IL10RB: variants seen among roughly 807,000 people sequenced by gnomAD.
IL10RB encodes the protein interleukin-10 receptor subunit beta.
In IL10RB, 30 loss-of-function variants were observed where a neutral mutation model predicts 38.7. The ratio of observed to expected loss-of-function variants is 0.78; its 90% CI spans 0.58 to 1.05. The LOEUF (loss-of-function observed/expected upper bound fraction) is 1.05, where lower values mean the gene tolerates loss of function less well. Among genes scored for constraint, IL10RB ranks in the 50% least tolerant of loss-of-function variants. The pLI is 0.00. For missense variants in IL10RB, 328 were observed against 397.1 expected (o/e 0.83, Z 1.48); for synonymous variants, 142 against 145.9 (o/e 0.97, Z 0.19).
chr21:33,309,341 C>T (rs935024312), exon 2 of IL10RB: 1 of 152,186 alleles, frequency 6.6e-6, no homozygotes, highest in Non-Finnish European at 1.5e-5. Context: ...TTTTCTGAAA[C>T]AGCAGAGAAG....
chr21:33,280,571 A>G (rs1989261811), intron 4 of IL10RB, among the ~76,000 whole-genome samples: 1 of 152,238 alleles, frequency 6.6e-6, no homozygotes, highest in African/African-American at 2.4e-5. Context: ...TATGGTCAGT[A>G]CATCAGTACA....
At chr21:33,297,488 G>C (rs1350313927), downstream of IL10RB, among the ~76,000 whole-genome samples, 1 of 151,890 alleles carries the variant, frequency 6.6e-6, no homozygotes, top group South Asian at 2.1e-4. Context: ...AAAGCCAGGG[G>C]ACAGGCTTAA....
rs377541013 is a variant in IL10RB, at chr21:33,268,390, A to G, written c.50-4A>G. The G allele has an allele frequency of 3.1e-5, 50 of 1,614,174 alleles. No homozygotes were observed. Among genetic ancestry groups the G allele is most frequent in the Middle Eastern group, 1.7e-4 (1 of 6,060 alleles). Reference sequence around the variant, plus strand: ...TTGTAAATGTTTTTGTCTTATTTTCATAGCATTGGGAATGGTACCACCTCC... The same window carrying G: ...TTGTAAATGTTTTTGTCTTATTTTCGTAGCATTGGGAATGGTACCACCTCC... On this transcript the variant is annotated splice_region_variant and splice_polypyrimidine_tract_variant and intron_variant, in intron 1 of 6. Transcript: ENST00000290200.
At chr21:33,268,636 C>G (rs1989018746) in intron 2 of IL10RB, 119 bp downstream of exon 2, 2 of 777,524 alleles carry the variant, frequency 2.6e-6, no homozygotes, top group East Asian at 4.9e-5. Flanking sequence ...CTGTGACAAC[C>G]CTCAGGGAGC....
chr21:33,298,720 A>C (rs189070604), downstream of IL10RB, among the ~76,000 whole-genome samples: 295 of 152,378 alleles, frequency 1.9e-3, 3 homozygotes, highest in African/African-American at 6.7e-3. Context: ...AGGGCACAGT[A>C]CAGAGAAACA....
intron 5 of IL10RB, among the ~76,000 whole-genome samples, chr21:33,285,790 G>C (rs538651606): frequency 6.6e-6 from 1 of 152,258 alleles, no homozygotes; most frequent in Non-Finnish European, 1.5e-5. Context: ...TAGGAGCCTG[G>C]AACTTTCTCA....
intron 2 of IL10RB, among the ~76,000 whole-genome samples, chr21:33,271,410 G>A (rs1255704689): frequency 6.6e-6 from 1 of 152,134 alleles, no homozygotes; most frequent in African/African-American, 2.4e-5. Flanking sequence ...AATGCGGGGA[G>A]AAGTATTTGT....
intron 1 of IL10RB, among the ~76,000 whole-genome samples, chr21:33,302,697 C>T (rs1323587973): frequency 2.6e-5 from 4 of 152,218 alleles, no homozygotes; most frequent in South Asian, 2.1e-4. Context: ...TTGAGAAGGA[C>T]GGCTTTTGGG....
chr21:33,295,588 CTG>C (rs2123605038), intron 6 of IL10RB, among the ~76,000 whole-genome samples: 1 of 149,440 alleles, frequency 6.7e-6, no homozygotes, highest in Non-Finnish European at 1.5e-5. Context: ...AGGAGAATCT[CTG>C]GAACCTGGGA....
At chr21:33,286,136 C>G (rs1989370399) in intron 5 of IL10RB, among the ~76,000 whole-genome samples, 1 of 152,172 alleles carries the variant, frequency 6.6e-6, no homozygotes, top group Non-Finnish European at 1.5e-5. Flanking sequence ...CCAGCCGCTT[C>G]CCTCATACAG....
intron 5 of IL10RB, among the ~76,000 whole-genome samples, chr21:33,284,017 C>T (rs1384386701): frequency 3.3e-5 from 5 of 152,170 alleles, no homozygotes; most frequent in South Asian, 2.1e-4. Context: ...ACATGTCTGC[C>T]GGACGTGGTG....
chr21:33,297,896 A>G (rs886696174), downstream of IL10RB, among the ~76,000 whole-genome samples: 15 of 152,364 alleles, frequency 9.8e-5, no homozygotes, highest in Admixed American at 2.6e-4. Context: ...CCAGAGAAAC[A>G]GAACCAATAG....
At chr21:33,305,461 T>G (rs2082996791) in intron 1 of IL10RB, among the ~76,000 whole-genome samples, 1 of 152,074 alleles carries the variant, frequency 6.6e-6, no homozygotes, top group South Asian at 2.1e-4. Flanking sequence ...AAGGTCACTC[T>G]CACTTCCTAG....
In IL10RB at chr21:33,296,251, T is replaced by C; in HGVS notation, c.872T>C (p.Val291Ala). 1 of 1,614,056 alleles carries C rather than the reference T, an allele frequency of 6.2e-7. No individual in the cohort carries two copies. The highest frequency in any genetic ancestry group is 2.2e-5 in the East Asian group (1 of 44,882). ...TTTCCATTGTCGGATGAGAATGATG[T>C]TTTTGACAAGCTAAGTGTCATTGCA... ...FSFPLSDENDVFDKLSVIAED... is the reference protein window; with the variant it reads ...FSFPLSDENDAFDKLSVIAED... The change falls in exon 7 of 7, where the codon GTT becomes GCT. Residue 291 changes from valine (V) to alanine (A), a missense_variant. Coordinates refer to ENST00000290200, the MANE Select transcript of IL10RB (RefSeq NM_000628.5).
At position 33,296,174 on chromosome 21, in the gene IL10RB, C is replaced by A. The variant is rs1341959066; in HGVS notation, c.805-10C>A. 1 of 1,608,824 alleles carries A rather than the reference C, an allele frequency of 6.2e-7. No individual in the cohort carries two copies. The highest frequency in any genetic ancestry group is 8.5e-7 in the Non-Finnish European group (1 of 1,175,200). On this transcript the variant is annotated splice_polypyrimidine_tract_variant and intron_variant, in intron 6 of 6. Coordinates refer to ENST00000290200, the MANE Select transcript of IL10RB (RefSeq NM_000628.5). ...AAATTGATCATTAACTGTCCTCTTT[C>A]CCTCCACAGTTTTTGGGCCATCCTC... is the stretch of plus-strand genomic sequence containing the variant.
intron 1 of IL10RB, among the ~76,000 whole-genome samples, chr21:33,307,250 C>T (rs1217434769): frequency 2.0e-5 from 3 of 152,146 alleles, no homozygotes; most frequent in African/African-American, 7.2e-5. Context: ...ATTTACTGTC[C>T]TTAGTGTAAG....
At position 33,308,090 on chromosome 21, in the gene IL10RB, C is replaced by A. The variant is rs2834181; in HGVS notation, c.130-886C>A. ...TTCCTTTCATTGATAGCTGCATTGC[C>A]TTCCAGGATTTCCCATCTTTCAGAT... On this transcript the variant is annotated intron_variant, in intron 1 of 1. Transcript: ENST00000609556. 77,965 of 152,024 alleles carry A rather than the reference C, an allele frequency of 0.51. 20,482 individuals carry two copies. Among genetic ancestry groups the A allele is most frequent in the African/African-American group, 0.63 (26,307 of 41,454 alleles). The allele number at this position is 152,024 out of a possible 1,614,324, so 9.4% of individuals were successfully genotyped here.
chr21:33,294,619 C>G (rs1438449754), intron 6 of IL10RB, among the ~76,000 whole-genome samples: 2 of 152,224 alleles, frequency 1.3e-5, no homozygotes, highest in Non-Finnish European at 2.9e-5. Flanking sequence ...ATCAGCTGCT[C>G]AAAACCCACA....
Position 33,296,780 on chromosome 21 carries a change from T to A in IL10RB, c.*423T>A. ...CTGGCCAATATGGTGAAACCCAGTCTCTACTAAAAATACAAAAATTAGCTA... is the reference window on the plus strand; with the variant it reads ...CTGGCCAATATGGTGAAACCCAGTCACTACTAAAAATACAAAAATTAGCTA... On this transcript the variant is annotated 3_prime_UTR_variant, in exon 7 of 7. Transcript: ENST00000290200. 2.8e-6 allele frequency: 1 copy of A among 351,288 alleles called. No homozygotes were observed. Among genetic ancestry groups the A allele is most frequent in the Non-Finnish European group, 5.6e-6 (1 of 178,710 alleles). The allele number at this position is 351,288 out of a possible 1,614,324, so 21.8% of individuals were successfully genotyped here.
Sources: gnomAD v4.1 joint callset for allele counts (sites outside exome capture counted in the v4.1 genomes callset) on GRCh38, gnomAD v4.1.1 for gene constraint, MANE v1.5 for transcripts, NCBI Gene and HGNC (gene_info 2026-07-23, HGNC 2026-07-21) for gene names.